DNAH17: variants seen among roughly 807,000 people sequenced by gnomAD.
DNAH17 encodes axonemal beta dynein heavy chain 17.
A neutral mutation model predicts 485.6 loss-of-function variants in DNAH17; 376 were observed. The ratio of observed to expected loss-of-function variants is 0.77; its 90% CI spans 0.71 to 0.84. The LOEUF (loss-of-function observed/expected upper bound fraction) is 0.84. Among genes scored for constraint, DNAH17 ranks in the 40% least tolerant of loss-of-function variants. The pLI is 0.00. For synonymous variants in DNAH17, 3,031 were observed against 2,405.9 expected, an observed-to-expected ratio of 1.26 and a Z score of -7.60; for missense variants, 6,370 against 5,839.3, an observed-to-expected ratio of 1.09 and a Z score of -2.96.
chr17:78,431,876 A>T (rs930802220), intron 75 of DNAH17, among the ~76,000 whole-genome samples: 1 of 152,168 alleles, frequency 6.6e-6, no homozygotes, highest in Non-Finnish European at 1.5e-5. Context: ...GAAATGTCTT[A>T]AAAATCCTAA....
rs530374531 is a variant in DNAH17, at chr17:78,512,891, A to T, written c.4113+1883T>A. 2.1e-5 allele frequency among the ~76,000 whole-genome samples: 3 copies of T among 140,666 alleles called. No individual in the cohort carries two copies. In the South Asian group the frequency reaches 7.3e-4, roughly 34 times the overall value. 92.3% of individuals were successfully genotyped at this position (140,666 alleles called of 152,430 possible). On this transcript the variant is annotated intron_variant, in intron 26 of 80. Transcript: ENST00000389840. Reference sequence around the variant, plus strand: ...GGGAGGTGGAGGTTGCAGTGAGCTGAGATTGTGTCACTGAACTCCAGCCTG... The same window carrying T: ...GGGAGGTGGAGGTTGCAGTGAGCTGTGATTGTGTCACTGAACTCCAGCCTG...
intron 62 of DNAH17, among the ~76,000 whole-genome samples, chr17:78,456,096 C>T (rs571439865): frequency 1.3e-5 from 2 of 151,992 alleles, no homozygotes; most frequent in East Asian, 1.9e-4. Context: ...GTCAGGGGGT[C>T]GATACCAGCC....
Position 78,551,648 on chromosome 17 carries a change from A to C in DNAH17, c.2288-10T>G, listed in dbSNP as rs138698644. Reference sequence around the variant, plus strand: ...ATGTACTGAAACACACCTAAAATGGAAATGTAGAGGAATCTTACAAAATGA... The same window carrying C: ...ATGTACTGAAACACACCTAAAATGGCAATGTAGAGGAATCTTACAAAATGA... On this transcript the variant is annotated splice_polypyrimidine_tract_variant and intron_variant, in intron 15 of 80. Transcript: ENST00000389840. The C allele has an allele frequency of 2.2e-4, 357 of 1,613,296 alleles. 2 individuals are homozygous for C. The African/African-American group carries it at 4.3e-3, about 19-fold the overall frequency.
intron 76 of DNAH17, among the ~76,000 whole-genome samples, 198 bp downstream of exon 76, chr17:78,428,923 T>TAAA (rs2086576362): frequency 1.3e-5 from 1 of 79,150 alleles, no homozygotes. Flanking sequence ...ATTTCTTTCT[T>TAAA]TAAAAAAAAA....
chr17:78,457,870 A>G (rs1352608808), intron 62 of DNAH17, among the ~76,000 whole-genome samples: 3 of 152,122 alleles, frequency 2.0e-5, no homozygotes, highest in East Asian at 1.9e-4. Context: ...CATGTTGGCC[A>G]GGCTGCTCTC....
intron 24 of DNAH17, among the ~76,000 whole-genome samples, chr17:78,526,259 G>A (rs531535315): frequency 3.3e-5 from 5 of 152,232 alleles, no homozygotes; most frequent in Non-Finnish European, 7.3e-5. Flanking sequence ...AGGAGGCAGG[G>A]AGAGATGGCA....
At chr17:78,506,664 C>T (rs1419473162) in intron 30 of DNAH17, 56 bp downstream of exon 30, 1 of 1,610,968 alleles carries the variant, frequency 6.2e-7, no homozygotes, top group Non-Finnish European at 8.5e-7. Flanking sequence ...GAGGTGCCCA[C>T]CTGGGGTCTG....
intron 71 of DNAH17, among the ~76,000 whole-genome samples, 178 bp downstream of exon 71, chr17:78,444,426 A>C (rs915888607): frequency 1.3e-5 from 2 of 152,162 alleles, no homozygotes; most frequent in Non-Finnish European, 2.9e-5. Context: ...TCCTCGAAGA[A>C]CTTTGTGTGA....
chr17:78,474,704 T>C (rs7211199), intron 54 of DNAH17, among the ~76,000 whole-genome samples: 2,739 of 147,852 alleles, frequency 0.019, 70 homozygotes, highest in African/African-American at 0.062. Flanking sequence ...GCACACTGGC[T>C]GGAAGGTTTC....
chr17:78,516,626 G>A (rs755333242), intron 25 of DNAH17, among the ~76,000 whole-genome samples: 28 of 150,596 alleles, frequency 1.9e-4, no homozygotes, highest in Non-Finnish European at 4.4e-5. Flanking sequence ...GGAGGCAGAG[G>A]TTGCAGCGAG....
At chr17:78,426,302 C>T (rs1021254723) in intron 79 of DNAH17, among the ~76,000 whole-genome samples, 155 bp downstream of exon 79, 5 of 152,218 alleles carry the variant, frequency 3.3e-5, no homozygotes, top group Admixed American at 6.5e-5. Context: ...GTGGGAGGGG[C>T]ATGGGCTAGG....
intron 50 of DNAH17, 80 bp downstream of exon 50, chr17:78,479,405 A>G (rs1420055595): frequency 1.1e-5 from 16 of 1,442,728 alleles, no homozygotes; most frequent in African/African-American, 7.2e-5. Flanking sequence ...AATATTTATC[A>G]AGGGAAAATG....
At chr17:78,565,032 C>T (rs1459810982) in intron 11 of DNAH17, among the ~76,000 whole-genome samples, 7 of 152,322 alleles carry the variant, frequency 4.6e-5, no homozygotes, top group East Asian at 1.9e-4. Flanking sequence ...ATTACCCTAA[C>T]CTGCTTCCAG....
At chr17:78,474,575 C>T (rs2088920163) in intron 54 of DNAH17, among the ~76,000 whole-genome samples, 1 of 152,080 alleles carries the variant, frequency 6.6e-6, no homozygotes, top group Non-Finnish European at 1.5e-5. Context: ...CAATTTGGAA[C>T]ACTCAGTGAC....
chr17:78,490,913 G>A (rs1259239386), intron 43 of DNAH17, 66 bp from the exon 44 acceptor site: 1 of 1,488,520 alleles, frequency 6.7e-7, no homozygotes, highest in Non-Finnish European at 9.0e-7. Flanking sequence ...GTGTTCTGGG[G>A]TGGGGGTTAC....
chr17:78,480,852 G>T, intron 48 of DNAH17, 66 bp from the exon 49 acceptor site: 1 of 1,117,978 alleles, frequency 8.9e-7, no homozygotes, highest in East Asian at 2.5e-5. Context: ...TGCCCCCACT[G>T]TGCTCCCAAG....
Position 78,428,681 on chromosome 17 carries a change from G to A in DNAH17, c.12432C>T (p.Asn4144=), listed in dbSNP as rs769778619. ...ACAGATAGGGACTCTCAGGGGGCAG[G>A]TTCTCATCGATGTATTCGTGGTAAC... ...YKGYHEYIDE[N]LPPESPYLYG... The change falls in exon 77 of 81, where the codon AAC becomes AAT. Residue 4144 remains asparagine, a synonymous_variant. Coordinates refer to ENST00000389840, the MANE Select transcript of DNAH17 (RefSeq NM_173628.4). 1.1e-5 allele frequency: 18 copies of A among 1,613,872 alleles called. No homozygotes were observed. The East Asian group carries it at 1.6e-4, about 14-fold the overall frequency.
At chr17:78,471,357 G>A (rs1395893019) in intron 54 of DNAH17, among the ~76,000 whole-genome samples, 1 of 152,224 alleles carries the variant, frequency 6.6e-6, no homozygotes, top group Non-Finnish European at 1.5e-5. Flanking sequence ...CCGCAGGTGG[G>A]ACTTGAGCCA....
intron 71 of DNAH17, among the ~76,000 whole-genome samples, chr17:78,441,937 G>A (rs1027650922): frequency 2.0e-5 from 3 of 152,120 alleles, no homozygotes; most frequent in Non-Finnish European, 4.4e-5. Flanking sequence ...ACAAAAAGTA[G>A]CCAGGTGTGG....
Sources: gnomAD v4.1 joint callset for allele counts (sites outside exome capture counted in the v4.1 genomes callset) on GRCh38, gnomAD v4.1.1 for gene constraint, MANE v1.5 for transcripts, NCBI Gene and HGNC (gene_info 2026-07-23, HGNC 2026-07-21) for gene names.